Variants in ABHD18 observed in about 807,000 individuals in gnomAD.
The protein encoded by ABHD18 is cardiolipin-specific deacylase, mitochondrial.
Under a neutral mutation model 65.9 loss-of-function variants are expected in ABHD18, and 55 were observed. The observed-to-expected ratio is 0.84, with a 90% CI of 0.67 to 1.05. The LOEUF is 1.05. Ranked by LOEUF, ABHD18 falls within the 50% of genes least tolerant of loss-of-function variation. The pLI is 0.00. For missense variants in ABHD18, 533 were observed against 558.5 expected (o/e 0.95, Z 0.46); for synonymous variants, 181 against 180.2 (o/e 1.00, Z -0.04).
chr4:128,005,333 G>C (rs1208011366), intron 4 of ABHD18, among the ~76,000 whole-genome samples: 1 of 152,150 alleles, frequency 6.6e-6, no homozygotes, highest in Non-Finnish European at 1.5e-5. Context: ...CTATTACTTA[G>C]ATTCATAGGT....
intron 1 of ABHD18, among the ~76,000 whole-genome samples, chr4:127,978,845 T>G (rs964268364): frequency 6.6e-6 from 1 of 152,166 alleles, no homozygotes; most frequent in Non-Finnish European, 1.5e-5. Flanking sequence ...AACCCCACTG[T>G]AAATAGAAAA....
At chr4:128,018,621 C>A (rs1019256968) in intron 8 of ABHD18, among the ~76,000 whole-genome samples, 1 of 151,574 alleles carries the variant, frequency 6.6e-6, no homozygotes, top group African/African-American at 2.4e-5. Flanking sequence ...ATTAGGTGAC[C>A]CAGACAGAAG....
At position 127,989,132 on chromosome 4, in the gene ABHD18, G is replaced by A. The variant is rs1000980008; in HGVS notation, c.178-589G>A. Among the ~76,000 whole-genome samples the A allele has an allele frequency of 3.9e-5, 6 of 152,314 alleles. No individual in the cohort carries two copies. In the East Asian group the frequency reaches 9.6e-4, roughly 24 times the overall value. On this transcript the variant is annotated intron_variant, in intron 3 of 12. Coordinates refer to ENST00000645843, the MANE Select transcript of ABHD18 (RefSeq NM_001358451.3). ...TATTGTCATTTGCAACAACATGGGT[G>A]GAACTGAAGGACATCGCGTTAAGTA...
intron 12 of ABHD18, 167 bp downstream of exon 12, chr4:128,030,839 A>G: frequency 7.3e-7 from 1 of 1,366,362 alleles, no homozygotes; most frequent in Non-Finnish European, 9.4e-7. Flanking sequence ...TCTTTCCTAG[A>G]ATTTGATCTT....
Position 127,978,365 on chromosome 4 carries a change from G to A in ABHD18, c.-17-4574G>A, listed in dbSNP as rs181591796. The stretch of plus-strand genomic sequence containing the variant: ...ACTCCATTTTACAATGACCGCCAAT[G>A]AGAAGAAGGAATTTAATATTTTAAA... On this transcript the variant is annotated intron_variant, in intron 1 of 12. Coordinates refer to ENST00000645843, the MANE Select transcript of ABHD18 (RefSeq NM_001358451.3). 4.3e-3 allele frequency among the ~76,000 whole-genome samples: 658 copies of A among 152,226 alleles called. 4 individuals carry two copies. The highest frequency in any genetic ancestry group is 0.01 in the Middle Eastern group (3 of 294).
At chr4:127,994,582 C>T (rs975891009) in intron 4 of ABHD18, among the ~76,000 whole-genome samples, 4 of 151,904 alleles carry the variant, frequency 2.6e-5, no homozygotes, top group Non-Finnish European at 4.4e-5. Flanking sequence ...GCAAGAATTC[C>T]GTCTCAAAAC....
chr4:128,001,932 C>T (rs572733778), intron 4 of ABHD18, among the ~76,000 whole-genome samples: 1 of 151,372 alleles, frequency 6.6e-6, no homozygotes, highest in African/African-American at 2.4e-5. Flanking sequence ...ATTATTTTTG[C>T]AATTTTTTTC....
At chr4:127,987,228 T>A (rs993482517) in intron 3 of ABHD18, among the ~76,000 whole-genome samples, 1 of 151,956 alleles carries the variant, frequency 6.6e-6, no homozygotes, top group African/African-American at 2.4e-5. Context: ...GGTGCATGCC[T>A]GTAATCCCAG....
At chr4:127,980,065 T>C (rs1748737321) in intron 1 of ABHD18, among the ~76,000 whole-genome samples, 1 of 152,196 alleles carries the variant, frequency 6.6e-6, no homozygotes, top group Non-Finnish European at 1.5e-5. Flanking sequence ...GTGCAGTGGC[T>C]TAAATGTGTT....
At position 127,989,796 on chromosome 4, in the gene ABHD18, A is replaced by G; in HGVS notation, c.253A>G (p.Met85Val). Reference sequence around the variant, plus strand: ...CATGGCTCACTATGTGCCTGATATCATGCCAATTGAATCTGTTATTGCAAG... The same window carrying G: ...CATGGCTCACTATGTGCCTGATATCGTGCCAATTGAATCTGTTATTGCAAG... ...SPMAHYVPDI[M>V]PIESVIARFQ... is the part of the protein sequence containing the mutation. Residue 85 changes from methionine (M) to valine (V), a missense_variant, in exon 4 of 13, where the codon ATG becomes GTG. By Grantham distance (21) the Met-to-Val change is conservative. Transcript: ENST00000645843. The G allele has an allele frequency of 6.3e-7, 1 of 1,589,382 alleles. No individual in the cohort carries two copies. The highest frequency in any genetic ancestry group is 1.3e-5 in the African/African-American group (1 of 74,656).
At chr4:128,009,853 A>G (rs1466652866) in intron 6 of ABHD18, among the ~76,000 whole-genome samples, 1 of 152,252 alleles carries the variant, frequency 6.6e-6, no homozygotes, top group Non-Finnish European at 1.5e-5. Flanking sequence ...AAAAAATTAA[A>G]TAACAAAAAC....
chr4:127,973,398 A>G (rs1747232207), intron 1 of ABHD18, among the ~76,000 whole-genome samples: 1 of 151,824 alleles, frequency 6.6e-6, no homozygotes, highest in Non-Finnish European at 1.5e-5. Context: ...TTTCCCCCTT[A>G]CTGGTAGGAA....
Position 127,979,857 on chromosome 4 carries a change from A to G in ABHD18, c.-17-3082A>G, listed in dbSNP as rs571249550. On this transcript the variant is annotated intron_variant, in intron 1 of 12. Transcript: ENST00000645843. ...CTTGAGCCAAGGAGGTAGAGGTTGC[A>G]TTGAGCCAAGATTGTGCCACTGCAC... is the stretch of plus-strand genomic sequence containing the variant. Among the ~76,000 whole-genome samples, 3 of 142,416 alleles carry G rather than the reference A, an allele frequency of 2.1e-5. No homozygotes were observed. In the South Asian group the frequency reaches 7.3e-4, roughly 35 times the overall value. 93.4% of individuals were successfully genotyped at this position (142,416 alleles called of 152,430 possible).
intron 1 of ABHD18, among the ~76,000 whole-genome samples, chr4:127,980,883 A>G (rs1025575904): frequency 1.3e-5 from 2 of 151,064 alleles, no homozygotes; most frequent in African/African-American, 4.9e-5. Context: ...CATTTTTACT[A>G]TACATACCTT....
intron 10 of ABHD18, among the ~76,000 whole-genome samples, chr4:128,028,172 T>A (rs1201965092): frequency 1.3e-5 from 2 of 152,220 alleles, no homozygotes; most frequent in Non-Finnish European, 2.9e-5. Flanking sequence ...ACTGCCATTC[T>A]CTTTCCATCG....
intron 1 of ABHD18, among the ~76,000 whole-genome samples, chr4:127,974,188 GTTTTTT>G (rs34967150): frequency 3.9e-5 from 4 of 101,486 alleles, no homozygotes; most frequent in Non-Finnish European, 6.2e-5. Flanking sequence ...CTTAAGTTCT[GTTTTTT>G]TTTTTTTTTT....
intron 1 of ABHD18, among the ~76,000 whole-genome samples, chr4:127,974,932 G>A (rs564238310): frequency 1.4e-5 from 2 of 143,450 alleles, no homozygotes; most frequent in Non-Finnish European, 3.0e-5. Context: ...GGAGGTGGAG[G>A]TTGCAGTGAG....
rs1339863321 is a variant in ABHD18, at chr4:128,037,239, T to A, written c.*1426T>A. The A allele has an allele frequency of 6.6e-6, 1 of 151,714 alleles. No homozygotes were observed. The highest frequency in any genetic ancestry group is 1.5e-5 in the Non-Finnish European group (1 of 68,216). 9.4% of individuals were successfully genotyped at this position (151,714 alleles called of 1,614,324 possible). ...TGAACCCGGGAGGCAGAAGTTGCAGTGAGCGGAGATCGCACCACTGCACTC... is the reference window on the plus strand; with the variant it reads ...TGAACCCGGGAGGCAGAAGTTGCAGAGAGCGGAGATCGCACCACTGCACTC... On this transcript the variant is annotated 3_prime_UTR_variant, in exon 13 of 13. Coordinates refer to ENST00000645843, the MANE Select transcript of ABHD18 (RefSeq NM_001358451.3).
chr4:128,017,250 C>T, intron 7 of ABHD18, 113 bp from the exon 8 acceptor site: 1 of 979,136 alleles, frequency 1.0e-6, no homozygotes, highest in South Asian at 1.7e-5. Flanking sequence ...TTTTACTTAA[C>T]TATCTGGTCC....
Sources: allele counts gnomAD v4.1 joint callset (sites outside exome capture counted in the v4.1 genomes callset), GRCh38; gene constraint gnomAD v4.1.1; transcripts MANE v1.5; gene names NCBI Gene and HGNC (gene_info 2026-07-23, HGNC 2026-07-21).